Variants in NHS observed in about 807,000 individuals in gnomAD.
NHS encodes the protein actin remodeling regulator NHS.
Under a neutral mutation model 72.5 loss-of-function variants are expected in NHS, and 5 were observed. The ratio of observed to expected loss-of-function variants is 0.07; its 90% CI spans 0.04 to 0.14. The LOEUF (loss-of-function observed/expected upper bound fraction) is 0.14. Among genes scored for constraint, NHS ranks in the 10% least tolerant of loss-of-function variants. The pLI, the probability that NHS is intolerant of heterozygous loss-of-function variation, is 1.00. For missense variants in NHS, 1,072 were observed against 1,355.7 expected (o/e 0.79, Z 3.29); for synonymous variants, 464 against 547.7 (o/e 0.85, Z 2.13).
chrX:17,726,462 A>G lies in NHS; in HGVS notation c.2356A>G (p.Thr786Ala). The G allele has an allele frequency of 8.3e-7, 1 of 1,211,528 alleles. No individual in the cohort carries two copies. Among genetic ancestry groups the G allele is most frequent in the South Asian group, 1.8e-5 (1 of 56,977 alleles). ...TTCAGTAGACACGGAAGGATACTAT[A>G]CCTCCATGCACTTTGACTGTGGTCT... ...HFSVDTEGYY[T>A]SMHFDCGLKG... Residue 786 changes from threonine (T) to alanine (A), a missense_variant, in exon 7 of 9, where the codon ACC (threonine) becomes GCC (alanine). Coordinates refer to ENST00000676302, the MANE Select transcript of NHS (RefSeq NM_001291867.2).
At chrX:17,513,341 C>T (rs950010181) in intron 1 of NHS, among the ~76,000 whole-genome samples, 3 of 112,093 alleles carry the variant, frequency 2.7e-5, no homozygotes, top group Non-Finnish European at 3.8e-5. Context: ...ATTTCTCCCA[C>T]GTGTAGCTCT....
intron 1 of NHS, among the ~76,000 whole-genome samples, chrX:17,630,411 G>A: frequency 9.2e-6 from 1 of 109,013 alleles, no homozygotes; most frequent in Non-Finnish European, 1.9e-5. Context: ...GTTGGAGCTG[G>A]TAGTGGATGC....
At chrX:17,690,066 A>G (rs746037568) in intron 2 of NHS, among the ~76,000 whole-genome samples, 2 of 111,345 alleles carry the variant, frequency 1.8e-5, no homozygotes, top group African/African-American at 3.3e-5. Flanking sequence ...GACTGTGGAG[A>G]TGCGTTTTAC....
chrX:17,387,693 C>T (rs990277820), intron 1 of NHS, among the ~76,000 whole-genome samples: 2 of 112,436 alleles, frequency 1.8e-5, no homozygotes, highest in Non-Finnish European at 1.9e-5. Flanking sequence ...GACTCTGAAG[C>T]TGGACTACAT....
intron 1 of NHS, among the ~76,000 whole-genome samples, chrX:17,443,703 C>A (rs1454685810): frequency 8.9e-6 from 1 of 112,034 alleles, no homozygotes; most frequent in South Asian, 3.8e-4. Flanking sequence ...AAAGCCTTTC[C>A]CTCTGCCTTG....
intron 1 of NHS, among the ~76,000 whole-genome samples, chrX:17,479,510 C>T (rs2064936550): frequency 9.0e-6 from 1 of 111,569 alleles, no homozygotes; most frequent in African/African-American, 3.3e-5. Flanking sequence ...ACTAATTTAC[C>T]AACAGTGTAA....
chrX:17,430,297 TTC>T (rs1463875059), intron 1 of NHS, among the ~76,000 whole-genome samples: 6 of 86,612 alleles, frequency 6.9e-5, no homozygotes, highest in African/African-American at 2.8e-4. Context: ...CTTTCTTTCT[TTC>T]TTTCTTTCTT....
intron 1 of NHS, among the ~76,000 whole-genome samples, chrX:17,649,245 A>T (rs1010258782): frequency 8.9e-6 from 1 of 112,291 alleles, no homozygotes; most frequent in African/African-American, 3.2e-5. Context: ...GATTATTCAC[A>T]TTTTTGAGTT....
intron 1 of NHS, among the ~76,000 whole-genome samples, chrX:17,572,163 C>A (rs2065482994): frequency 9.0e-6 from 1 of 111,558 alleles, no homozygotes; most frequent in Non-Finnish European, 1.9e-5. Context: ...GTGGAGAGTT[C>A]TGTAGATGTC....
At chrX:17,505,686 G>A (rs1047020474) in intron 1 of NHS, among the ~76,000 whole-genome samples, 8 of 108,473 alleles carry the variant, frequency 7.4e-5, no homozygotes, top group Non-Finnish European at 9.5e-5. Context: ...TGACTTGCCC[G>A]AGCCAAGCAG....
rs59367930 is a variant in NHS at position 17,604,228 on chromosome X, T to TCACACACACACA, written c.566-83485_566-83474dup. On this transcript the variant is annotated intron_variant, in intron 1 of 8. Coordinates refer to ENST00000676302, the MANE Select transcript of NHS (RefSeq NM_001291867.2). ...ATGGTTTCCTCAGGATATTAATAGA[T>TCACACACACACA]CACACACACACACACACACACACAC... is the stretch of plus-strand genomic sequence containing the variant. Among the ~76,000 whole-genome samples, 237 of 92,267 alleles carry TCACACACACACA rather than the reference T, an allele frequency of 2.6e-3. 2 individuals are homozygous for TCACACACACACA. The highest frequency in any genetic ancestry group is 9.3e-3 in the African/African-American group (229 of 24,714). 80.1% of individuals were successfully genotyped at this position (92,267 alleles called of 115,157 possible).
At chrX:17,577,940 G>A (rs1266230930) in intron 1 of NHS, among the ~76,000 whole-genome samples, 3 of 111,972 alleles carry the variant, frequency 2.7e-5, no homozygotes, top group Non-Finnish European at 5.6e-5. Flanking sequence ...CTATAGTTCT[G>A]CAGTTTAATA....
At chrX:17,590,311 G>A (rs745365381) in intron 1 of NHS, among the ~76,000 whole-genome samples, 1 of 111,900 alleles carries the variant, frequency 8.9e-6, no homozygotes, top group Admixed American at 9.5e-5. Context: ...GATAGGATAC[G>A]ATTAGTATAA....
At chrX:17,593,419 T>C (rs1263046800) in intron 1 of NHS, among the ~76,000 whole-genome samples, 1 of 111,019 alleles carries the variant, frequency 9.0e-6, no homozygotes, top group Non-Finnish European at 1.9e-5. Flanking sequence ...TCACCATTCC[T>C]TTGGTCTTCA....
At chrX:17,480,309 A>T (rs773504798) in intron 1 of NHS, among the ~76,000 whole-genome samples, 185 of 112,058 alleles carry the variant, frequency 1.7e-3, no homozygotes, top group African/African-American at 5.9e-3. Context: ...CAAAAAAAAG[A>T]GCCTGTATAG....
At chrX:17,503,138 A>G (rs1033028267) in intron 1 of NHS, among the ~76,000 whole-genome samples, 7 of 112,579 alleles carry the variant, frequency 6.2e-5, no homozygotes, top group African/African-American at 1.9e-4. Flanking sequence ...AAATTTTTAA[A>G]TGACACAACA....
intron 1 of NHS, among the ~76,000 whole-genome samples, chrX:17,619,471 AC>A (rs1379257486): frequency 8.9e-6 from 1 of 112,426 alleles, no homozygotes; most frequent in Non-Finnish European, 1.9e-5. Flanking sequence ...CTGTCCTCAT[AC>A]ACATTCTACA....
At chrX:17,717,651 G>A (rs2066372275) in intron 3 of NHS, among the ~76,000 whole-genome samples, 1 of 112,164 alleles carries the variant, frequency 8.9e-6, no homozygotes, top group Admixed American at 9.4e-5. Context: ...AAGTGAAAAT[G>A]AAGAATCCTT....
At chrX:17,466,695 GTTA>G (rs1338262282) in intron 1 of NHS, among the ~76,000 whole-genome samples, 1 of 111,725 alleles carries the variant, frequency 9.0e-6, no homozygotes, top group African/African-American at 3.3e-5. Context: ...CATCTCCTTT[GTTA>G]TTATCACCTC....
Sources: gnomAD v4.1 joint callset for allele counts (sites outside exome capture counted in the v4.1 genomes callset) on GRCh38, gnomAD v4.1.1 for gene constraint, MANE v1.5 for transcripts, NCBI Gene and HGNC (gene_info 2026-07-23, HGNC 2026-07-21) for gene names.